RAB27B: variants seen among roughly 807,000 people sequenced by gnomAD.
The protein encoded by RAB27B is RAB27B, member RAS oncogene family, also known as ras-related protein Rab-27B.
A neutral mutation model predicts 24.6 loss-of-function variants in RAB27B; 15 were observed. The observed-to-expected ratio is 0.61, with a 90% confidence interval of 0.41 to 0.94. The LOEUF (loss-of-function observed/expected upper bound fraction) is 0.94. Among genes scored for constraint, RAB27B ranks in the 40% least tolerant of loss-of-function variants. RAB27B has a pLI of 0.00. For missense variants in RAB27B, 261 were observed against 266.8 expected, an observed-to-expected ratio of 0.98 and a Z score of 0.15; for synonymous variants, 105 against 92.5, an observed-to-expected ratio of 1.14 and a Z score of -0.78.
chr18:54,882,336 A>G (rs1171400512), intron 3 of RAB27B, among the ~76,000 whole-genome samples: 1 of 152,158 alleles, frequency 6.6e-6, no homozygotes, highest in African/African-American at 2.4e-5. Context: ...TTAGTGAGCA[A>G]ATACCAGGTT....
At chr18:54,789,269 C>T (rs888070987) in intron 2 of RAB27B, among the ~76,000 whole-genome samples, 4 of 152,060 alleles carry the variant, frequency 2.6e-5, no homozygotes, top group Non-Finnish European at 4.4e-5. Context: ...GTATTCATAC[C>T]ATTGGCTTTA....
At chr18:54,881,686 T>C (rs751084070) in intron 3 of RAB27B, among the ~76,000 whole-genome samples, 2 of 152,012 alleles carry the variant, frequency 1.3e-5, no homozygotes, top group African/African-American at 2.4e-5. Context: ...ATGAGATGGG[T>C]GGGGGAGGCT....
At chr18:54,829,911 A>G (rs1910610149) in intron 1 of RAB27B, among the ~76,000 whole-genome samples, 1 of 152,202 alleles carries the variant, frequency 6.6e-6, no homozygotes, top group African/African-American at 2.4e-5. Context: ...ATTCCTACCA[A>G]TGACCAAAAA....
At position 54,793,462 on chromosome 18, in the gene RAB27B, A is replaced by G. The variant is rs1342516489; in HGVS notation, c.-20+75321A>G. Among the ~76,000 whole-genome samples the G allele has an allele frequency of 4.0e-5, 6 of 148,764 alleles. No homozygotes were observed. The Admixed American group carries it at 4.1e-4, about 10-fold the overall frequency. On this transcript the variant is annotated intron_variant, in intron 2 of 4. Coordinates refer to the RAB27B transcript ENST00000586570. ...ATAAAGGACAAGAATCCCCACATAT[A>G]CTCAATCAACTTTGACAGTCAACAG... is the stretch of plus-strand genomic sequence containing the variant.
In RAB27B at chr18:54,722,404, G is replaced by A. The variant is rs369754873; in HGVS notation, c.-20+4263G>A. On this transcript the variant is annotated intron_variant, in intron 2 of 4. Transcript: ENST00000586570. Reference sequence around the variant, plus strand: ...CACTGGTTGATGGGTGTTGATTATGGTGCTGCTCCTCTCAGGCAATGCTGT... The same window carrying A: ...CACTGGTTGATGGGTGTTGATTATGATGCTGCTCCTCTCAGGCAATGCTGT... 1.4e-4 allele frequency among the ~76,000 whole-genome samples: 21 copies of A among 152,210 alleles called. 2 individuals carry two copies. In the South Asian group the frequency reaches 2.1e-3, roughly 15 times the overall value.
intron 2 of RAB27B, among the ~76,000 whole-genome samples, chr18:54,727,105 C>T (rs1377076619): frequency 1.3e-5 from 2 of 152,174 alleles, no homozygotes; most frequent in Non-Finnish European, 2.9e-5. Flanking sequence ...CAGCCTATAG[C>T]TGGGATTACA....
intron 2 of RAB27B, among the ~76,000 whole-genome samples, chr18:54,739,306 G>T (rs1221396871): frequency 1.3e-5 from 2 of 151,520 alleles, no homozygotes; most frequent in Non-Finnish European, 2.9e-5. Context: ...AATACAAAAA[G>T]TTAGCCAGGC....
At chr18:54,773,627 A>G (rs528871112) in intron 2 of RAB27B, among the ~76,000 whole-genome samples, 17 of 152,148 alleles carry the variant, frequency 1.1e-4, no homozygotes, top group Non-Finnish European at 2.5e-4. Context: ...GAGGATTCAC[A>G]TTCTAGCAGA....
intron 2 of RAB27B, among the ~76,000 whole-genome samples, chr18:54,727,050 T>A (rs2144983052): frequency 6.6e-6 from 1 of 152,354 alleles, no homozygotes; most frequent in African/African-American, 2.4e-5. Context: ...TGGCACAATC[T>A]CAGCTCACTG....
chr18:54,739,486 T>C (rs1022278169), intron 2 of RAB27B, among the ~76,000 whole-genome samples: 62 of 146,690 alleles, frequency 4.2e-4, no homozygotes, highest in African/African-American at 1.5e-3. Flanking sequence ...AAGAAAGAAA[T>C]ACTACCTTTT....
chr18:54,817,928 T>C (rs986526703), intron 2 of RAB27B, among the ~76,000 whole-genome samples: 10 of 152,106 alleles, frequency 6.6e-5, no homozygotes, highest in African/African-American at 2.2e-4. Flanking sequence ...CATTATCCTT[T>C]CATCTGTAGG....
chr18:54,772,277 C>T (rs564464593), intron 2 of RAB27B, among the ~76,000 whole-genome samples: 1 of 152,276 alleles, frequency 6.6e-6, no homozygotes, highest in African/African-American at 2.4e-5. Flanking sequence ...GGGTTAGATG[C>T]CAATGGTTCT....
chr18:54,856,824 T>G lies in RAB27B; in HGVS notation c.-19-20743T>G, dbSNP rs1033072052. Among the ~76,000 whole-genome samples the G allele has an allele frequency of 2.0e-5, 3 of 152,214 alleles. 1 individual carries two copies. The highest frequency in any genetic ancestry group is 7.2e-5 in the African/African-American group (3 of 41,458). On this transcript the variant is annotated intron_variant, in intron 1 of 5. Transcript: ENST00000262094. ...TTTGCTGGGTGAGTTAATGAGTAAA[T>G]CAGTTAATCTGGGGGAAGATTAGTA...
chr18:54,818,855 ACT>A (rs1248283811), intron 2 of RAB27B, among the ~76,000 whole-genome samples: 1 of 152,060 alleles, frequency 6.6e-6, no homozygotes, highest in Non-Finnish European at 1.5e-5. Context: ...TTCTCATAAA[ACT>A]CATCTCTTCT....
chr18:54,773,224 C>T (rs1908608954), intron 2 of RAB27B, among the ~76,000 whole-genome samples: 1 of 152,232 alleles, frequency 6.6e-6, no homozygotes, highest in South Asian at 2.1e-4. Context: ...TTAGAGTGAT[C>T]AAAATTTTCC....
chr18:54,805,665 A>G (rs1303964782), intron 2 of RAB27B, among the ~76,000 whole-genome samples: 1 of 152,200 alleles, frequency 6.6e-6, no homozygotes, highest in Non-Finnish European at 1.5e-5. Context: ...ATCATGTGTT[A>G]TTTATGTCTT....
intron 5 of RAB27B, among the ~76,000 whole-genome samples, chr18:54,888,516 T>G (rs1052007583): frequency 1.3e-5 from 2 of 152,090 alleles, no homozygotes; most frequent in African/African-American, 4.8e-5. Context: ...AACACTGTAT[T>G]CTTCTGCCTC....
chr18:54,796,431 CAT>C (rs1909421880), intron 2 of RAB27B, among the ~76,000 whole-genome samples: 1 of 152,210 alleles, frequency 6.6e-6, no homozygotes, highest in South Asian at 2.1e-4. Flanking sequence ...AATCGGATCA[CAT>C]GTGCACTTGA....
chr18:54,832,964 C>T (rs542321454), intron 1 of RAB27B, among the ~76,000 whole-genome samples: 2 of 152,314 alleles, frequency 1.3e-5, no homozygotes, highest in South Asian at 2.1e-4. Flanking sequence ...CAGAAAAACT[C>T]ATGAGGCTAC....
Sources: gnomAD v4.1 joint callset for allele counts (sites outside exome capture counted in the v4.1 genomes callset) on GRCh38, gnomAD v4.1.1 for gene constraint, MANE v1.5 for transcripts, NCBI Gene and HGNC (gene_info 2026-07-23, HGNC 2026-07-21) for gene names.